Variants in PARD3 observed in about 807,000 individuals in gnomAD.
PARD3 encodes the protein partitioning defective 3 homolog.
A neutral mutation model predicts 155.4 loss-of-function variants in PARD3; 75 were observed. That is an observed-to-expected ratio of 0.48 (90% confidence interval 0.40 to 0.58). The LOEUF (loss-of-function observed/expected upper bound fraction) is 0.58. PARD3 is among the 20% of genes least tolerant of loss of function. The probability of loss-of-function intolerance (pLI) is 0.00; values close to 1 mark genes in which losing one functional copy is unlikely to be tolerated. For missense variants in PARD3, 1,642 were observed against 1,721.7 expected, an observed-to-expected ratio of 0.95 and a Z score of 0.82; for synonymous variants, 576 against 610.5, an observed-to-expected ratio of 0.94 and a Z score of 0.83.
At chr10:34,147,979 T>C (rs556596837) in intron 22 of PARD3, among the ~76,000 whole-genome samples, 4 of 152,234 alleles carry the variant, frequency 2.6e-5, no homozygotes, top group South Asian at 4.2e-4. Flanking sequence ...CCCAAGCAGA[T>C]TGGAACACTG....
intron 1 of PARD3, among the ~76,000 whole-genome samples, chr10:34,760,156 C>T (rs1035949075): frequency 2.0e-5 from 3 of 150,852 alleles, no homozygotes; most frequent in Non-Finnish European, 4.4e-5. Flanking sequence ...AACCCCTCCC[C>T]AATCTACCTT....
intron 1 of PARD3, among the ~76,000 whole-genome samples, chr10:34,730,468 A>T (rs1164912376): frequency 6.6e-6 from 1 of 152,238 alleles, no homozygotes; most frequent in African/African-American, 2.4e-5. Flanking sequence ...TTTTAAAAAA[A>T]CAAGATGAAG....
intron 2 of PARD3, among the ~76,000 whole-genome samples, chr10:34,664,689 T>G (rs2093407072): frequency 6.6e-6 from 1 of 152,320 alleles, no homozygotes; most frequent in East Asian, 1.9e-4. Context: ...TTTCACCATG[T>G]TGGCCAGGCT....
At chr10:34,681,925 A>G (rs1444917633) in intron 2 of PARD3, among the ~76,000 whole-genome samples, 1 of 150,360 alleles carries the variant, frequency 6.7e-6, no homozygotes, top group African/African-American at 2.4e-5. Flanking sequence ...CCCCGCCAAC[A>G]TTTTCATCTC....
chr10:34,111,707 G>T, intron 24 of PARD3, 145 bp from the exon 25 acceptor site: 1 of 685,222 alleles, frequency 1.5e-6, no homozygotes, highest in Non-Finnish European at 2.4e-6. Flanking sequence ...CTGCGATAGG[G>T]GCTGGAGAAT....
intron 3 of PARD3, among the ~76,000 whole-genome samples, chr10:34,507,286 C>A (rs757853361): frequency 1.3e-5 from 2 of 152,078 alleles, no homozygotes; most frequent in Non-Finnish European, 2.9e-5. Context: ...AACTTAATTT[C>A]TTAAATGCTC....
chr10:34,181,149 A>G (rs1950249979), intron 22 of PARD3, among the ~76,000 whole-genome samples: 1 of 152,160 alleles, frequency 6.6e-6, no homozygotes, highest in Non-Finnish European at 1.5e-5. Context: ...CACAATATAA[A>G]TATTCCTGGC....
chr10:34,289,932 A>G (rs1185786544), intron 20 of PARD3, among the ~76,000 whole-genome samples: 2 of 152,238 alleles, frequency 1.3e-5, no homozygotes, highest in Non-Finnish European at 2.9e-5. Flanking sequence ...ATGACAACAA[A>G]GGATGACAAC....
In PARD3 at chr10:34,442,786, G is replaced by A. The variant is rs73259284; in HGVS notation, c.714+7531C>T. On this transcript the variant is annotated intron_variant, in intron 5 of 24. Transcript: ENST00000374788. ...CTCAGAAGGCTAAAGCAGGACGATT[G>A]CTTGAGCACAGAAGTTTGAAGCTGA... 3.7e-3 allele frequency among the ~76,000 whole-genome samples: 567 copies of A among 152,286 alleles called. 2 individuals carry two copies. The highest frequency in any genetic ancestry group is 0.013 in the African/African-American group (535 of 41,558).
chr10:34,731,034 C>T (rs1373781651), intron 1 of PARD3, among the ~76,000 whole-genome samples: 4 of 152,138 alleles, frequency 2.6e-5, no homozygotes, highest in African/African-American at 9.7e-5. Flanking sequence ...CAAACTTCTA[C>T]GGGCAGGGTT....
At chr10:34,757,114 G>GCT (rs773992699) in intron 1 of PARD3, among the ~76,000 whole-genome samples, 1 of 152,190 alleles carries the variant, frequency 6.6e-6, no homozygotes, top group Non-Finnish European at 1.5e-5. Flanking sequence ...GTCTATGACA[G>GCT]CATTTTGCAT....
intron 4 of PARD3, among the ~76,000 whole-genome samples, chr10:34,453,323 A>G (rs1398651156): frequency 6.6e-6 from 1 of 151,958 alleles, no homozygotes; most frequent in Non-Finnish European, 1.5e-5. Context: ...TTTTGTTACC[A>G]CTCTGTTCTA....
intron 15 of PARD3, chr10:34,343,242 C>T (rs1296262945): frequency 2.7e-6 from 2 of 754,506 alleles, no homozygotes; most frequent in Non-Finnish European, 3.2e-6. Flanking sequence ...CAAATACTCA[C>T]ACGGGCATAA....
Position 34,760,245 on chromosome 10 carries a change from C to T in PARD3, c.120+54631G>A, listed in dbSNP as rs141170673. On this transcript the variant is annotated intron_variant, in intron 1 of 24. Coordinates refer to ENST00000374788, the MANE Select transcript of PARD3 (RefSeq NM_001184785.2). ...TTATGTTGCCCAGGCCGGTCTCCAG[C>T]TCCTGGACTCAAGTGATCCTCCCAC... is the stretch of plus-strand genomic sequence containing the variant. Among the ~76,000 whole-genome samples, 43 of 152,242 alleles carry T rather than the reference C, an allele frequency of 2.8e-4. 1 individual carries two copies. The East Asian group carries it at 5.8e-3, about 21-fold the overall frequency.
chr10:34,459,972 T>C (rs2077544858), intron 4 of PARD3, among the ~76,000 whole-genome samples: 1 of 152,242 alleles, frequency 6.6e-6, no homozygotes, highest in Non-Finnish European at 1.5e-5. Context: ...TCAGGTACAC[T>C]GTCTCCACAG....
At chr10:34,410,601 A>C (rs888989117) in intron 5 of PARD3, among the ~76,000 whole-genome samples, 3 of 152,216 alleles carry the variant, frequency 2.0e-5, no homozygotes, top group African/African-American at 7.2e-5. Flanking sequence ...ACTACTTTCT[A>C]AAATGACCGA....
At chr10:34,392,288 C>A (rs1480868618) in intron 7 of PARD3, among the ~76,000 whole-genome samples, 1 of 151,860 alleles carries the variant, frequency 6.6e-6, no homozygotes, top group African/African-American at 2.4e-5. Context: ...GGGGAAAAGT[C>A]ATAAAAATAA....
chr10:34,194,304 C>A (rs936850873), intron 22 of PARD3, among the ~76,000 whole-genome samples: 1 of 152,104 alleles, frequency 6.6e-6, no homozygotes, highest in Admixed American at 6.6e-5. Flanking sequence ...GTGGAAGTTG[C>A]CCACCCAGAG....
At chr10:34,415,800 T>A (rs185948904) in intron 5 of PARD3, among the ~76,000 whole-genome samples, 1 of 152,304 alleles carries the variant, frequency 6.6e-6, no homozygotes, top group Non-Finnish European at 1.5e-5. Context: ...ATAGAATTGC[T>A]ATTTGGTGTT....
Sources: allele counts gnomAD v4.1 joint callset (sites outside exome capture counted in the v4.1 genomes callset), GRCh38; gene constraint gnomAD v4.1.1; transcripts MANE v1.5; gene names NCBI Gene and HGNC (gene_info 2026-07-23, HGNC 2026-07-21).